MED12L: variants seen among roughly 807,000 people sequenced by gnomAD.
MED12L encodes mediator complex subunit 12L, also known as mediator of RNA polymerase II transcription subunit 12-like protein.
Under a neutral mutation model 281.3 loss-of-function variants are expected in MED12L, and 60 were observed. The observed-to-expected ratio is 0.21, with a 90% CI of 0.17 to 0.26. The LOEUF is 0.26. Ranked by LOEUF, MED12L falls within the 10% of genes least tolerant of loss-of-function variation. The probability of loss-of-function intolerance (pLI) is 1.00; values close to 1 mark genes in which losing one functional copy is unlikely to be tolerated. For synonymous variants in MED12L, 974 were observed against 987.2 expected (o/e 0.99, Z 0.25); for missense variants, 2,146 against 2,680.9 (o/e 0.80, Z 4.41).
chr3:151,114,808 C>T lies in MED12L; in HGVS notation c.100-1530C>T, dbSNP rs531110267. 1.3e-4 allele frequency among the ~76,000 whole-genome samples: 20 copies of T among 150,872 alleles called. No homozygotes were observed. The South Asian group carries it at 1.7e-3, about 13-fold the overall frequency. On this transcript the variant is annotated intron_variant, in intron 2 of 44. Coordinates refer to ENST00000687756, the MANE Select transcript of MED12L (RefSeq NM_001393769.1). ...TGGGTTATTTTTGATGTGTTGTGACCTTGGAAAAGTATTCCTGTATCTATC... is the reference window on the plus strand; with the variant it reads ...TGGGTTATTTTTGATGTGTTGTGACTTTGGAAAAGTATTCCTGTATCTATC...
At chr3:151,110,960 C>T (rs963391701) in intron 2 of MED12L, among the ~76,000 whole-genome samples, 1 of 152,162 alleles carries the variant, frequency 6.6e-6, no homozygotes, top group African/African-American at 2.4e-5. Context: ...AGGCAGAAAC[C>T]TCAACTCTTC....
chr3:151,192,683 A>G (rs867520247), intron 15 of MED12L, 29 bp downstream of exon 15: 2 of 1,330,392 alleles, frequency 1.5e-6, no homozygotes, highest in East Asian at 2.5e-5. Flanking sequence ...TCTTATTGAC[A>G]ATTAAGAATT....
intron 16 of MED12L, among the ~76,000 whole-genome samples, chr3:151,265,033 T>C (rs1036927168): frequency 2.2e-4 from 34 of 152,230 alleles, no homozygotes; most frequent in African/African-American, 7.5e-4. Context: ...ATCTTCATGA[T>C]GATTTCTTCC....
At chr3:151,125,945 C>A (rs1173369634) in intron 4 of MED12L, among the ~76,000 whole-genome samples, 1 of 152,102 alleles carries the variant, frequency 6.6e-6, no homozygotes, top group Non-Finnish European at 1.5e-5. Context: ...TCGCCTCTGT[C>A]ATGGGGTCTG....
intron 16 of MED12L, among the ~76,000 whole-genome samples, chr3:151,274,046 A>G (rs1215578403): frequency 6.6e-6 from 1 of 152,190 alleles, no homozygotes; most frequent in Non-Finnish European, 1.5e-5. Flanking sequence ...TAAACTGAGA[A>G]ACTGGATTTG....
chr3:151,300,065 A>T, intron 16 of MED12L: 1 of 1,591,596 alleles, frequency 6.3e-7, no homozygotes, highest in Non-Finnish European at 8.6e-7. Context: ...ACGACGGCTT[A>T]CTTGGTAATT....
chr3:151,169,235 A>T (rs1490413752), intron 11 of MED12L, among the ~76,000 whole-genome samples: 2 of 149,760 alleles, frequency 1.3e-5, no homozygotes, highest in African/African-American at 4.9e-5. Context: ...CTCCTGCCTC[A>T]GCCTTCCAAG....
intron 4 of MED12L, among the ~76,000 whole-genome samples, chr3:151,124,317 T>C (rs1714186014): frequency 6.6e-6 from 1 of 152,244 alleles, no homozygotes; most frequent in Non-Finnish European, 1.5e-5. Flanking sequence ...ATTATTCTTC[T>C]TTCTTTATTG....
At chr3:151,300,211 T>A in intron 16 of MED12L, 2 of 813,728 alleles carry the variant, frequency 2.5e-6, no homozygotes, top group African/African-American at 1.7e-5. Context: ...GGGGAGAAAA[T>A]GAAAAATGAG....
chr3:151,213,476 G>C (rs1727540090), intron 16 of MED12L: 3 of 1,614,044 alleles, frequency 1.9e-6, no homozygotes, highest in South Asian at 1.1e-5. Context: ...GATAGTAGCA[G>C]AGTGAATTCT....
chr3:151,221,548 A>G (rs1729355165), intron 16 of MED12L, among the ~76,000 whole-genome samples: 1 of 151,960 alleles, frequency 6.6e-6, no homozygotes, highest in South Asian at 2.1e-4. Flanking sequence ...CATCCCAGCC[A>G]CTCTAGTGTG....
intron 3 of MED12L, among the ~76,000 whole-genome samples, chr3:151,119,817 A>C (rs73014873): frequency 0.041 from 6,190 of 152,282 alleles, 421 homozygotes; most frequent in African/African-American, 0.14. Context: ...TTTTATAAAT[A>C]TGAAATACAT....
intron 11 of MED12L, among the ~76,000 whole-genome samples, chr3:151,176,259 A>C (rs534197029): frequency 6.6e-5 from 10 of 152,316 alleles, no homozygotes; most frequent in African/African-American, 2.4e-4. Flanking sequence ...ATTGTCATTA[A>C]AACATGAGAA....
intron 16 of MED12L, chr3:151,214,372 G>A (rs1032615779): frequency 7.2e-7 from 1 of 1,395,214 alleles, no homozygotes; most frequent in East Asian, 2.3e-5. Flanking sequence ...TCACTCATAG[G>A]GCACTTATGG....
intron 16 of MED12L, among the ~76,000 whole-genome samples, chr3:151,269,035 G>A (rs1740361377): frequency 6.6e-6 from 1 of 152,158 alleles, no homozygotes; most frequent in Non-Finnish European, 1.5e-5. Context: ...TGAGACCGGA[G>A]GAGACATTGG....
intron 21 of MED12L, among the ~76,000 whole-genome samples, chr3:151,363,533 A>G (rs189647546): frequency 2.0e-5 from 3 of 152,280 alleles, no homozygotes; most frequent in Admixed American, 6.5e-5. Flanking sequence ...CAAGAGCTTT[A>G]TTTCTCACAT....
intron 40 of MED12L, among the ~76,000 whole-genome samples, chr3:151,410,526 A>C (rs2108351868): frequency 1.3e-5 from 2 of 152,338 alleles, no homozygotes; most frequent in Middle Eastern, 3.4e-3. Context: ...GTTCTACCTT[A>C]ATTAGCATTG....
At position 151,294,679 on chromosome 3, in the gene MED12L, G is replaced by T. The variant is rs773593054; in HGVS notation, c.2251-55380G>T. 2.5e-6 allele frequency: 4 copies of T among 1,614,186 alleles called. No homozygotes were observed. In the South Asian group the frequency reaches 3.3e-5, roughly 13 times the overall value. ...GACTTTTAAGTTTTGAGCAGTCATGGATATTGTCCTCTGTTGGCTGACCAT... is the reference window on the plus strand; with the variant it reads ...GACTTTTAAGTTTTGAGCAGTCATGTATATTGTCCTCTGTTGGCTGACCAT... On this transcript the variant is annotated intron_variant, in intron 16 of 44. Coordinates refer to ENST00000687756, the MANE Select transcript of MED12L (RefSeq NM_001393769.1).
chr3:151,372,468 AT>A, intron 26 of MED12L, 98 bp from the exon 27 acceptor site: 1 of 827,626 alleles, frequency 1.2e-6, no homozygotes, highest in Non-Finnish European at 2.0e-6. Flanking sequence ...AATACTGTTC[AT>A]ATATTTTAAA....
Sources: allele counts gnomAD v4.1 joint callset (sites outside exome capture counted in the v4.1 genomes callset), GRCh38; gene constraint gnomAD v4.1.1; transcripts MANE v1.5; gene names NCBI Gene and HGNC (gene_info 2026-07-23, HGNC 2026-07-21).